The following STAC variants were observed in gnomAD, a reference collection of about 807,000 sequenced individuals.
STAC encodes SH3 and cysteine rich domain.
In STAC, 43 loss-of-function variants were observed where a neutral mutation model predicts 48.8. The ratio of observed to expected loss-of-function variants is 0.88; its 90% CI spans 0.69 to 1.14. The LOEUF is 1.14. Ranked by LOEUF, STAC falls within the 50% of genes most tolerant of loss-of-function variation. The probability of loss-of-function intolerance (pLI) is 0.00; values close to 1 mark genes in which losing one functional copy is unlikely to be tolerated. For synonymous variants in STAC, 193 were observed against 179.5 expected (o/e 1.07, Z -0.60); for missense variants, 497 against 504.0 (o/e 0.99, Z 0.13).
chr3:36,457,877 C>T (rs1206791466), intron 2 of STAC, among the ~76,000 whole-genome samples: 1 of 152,208 alleles, frequency 6.6e-6, no homozygotes, highest in Non-Finnish European at 1.5e-5. Context: ...AGGCCCTCAG[C>T]CAACCTAACT....
chr3:36,474,220 A>G (rs1011067157), intron 2 of STAC, among the ~76,000 whole-genome samples: 5 of 152,126 alleles, frequency 3.3e-5, no homozygotes, highest in African/African-American at 4.8e-5. Context: ...AACCCATCAC[A>G]AATGTGATGA....
chr3:36,510,021 G>A (rs1316915334), intron 8 of STAC, among the ~76,000 whole-genome samples: 1 of 151,988 alleles, frequency 6.6e-6, no homozygotes, highest in Non-Finnish European at 1.5e-5. Flanking sequence ...GAGTGAATAG[G>A]CAACCTACAG....
intron 1 of STAC, among the ~76,000 whole-genome samples, chr3:36,418,009 G>A (rs928464181): frequency 6.6e-6 from 1 of 152,046 alleles, no homozygotes; most frequent in Admixed American, 6.5e-5. Flanking sequence ...TGCATTTGTG[G>A]TTATACCACC....
chr3:36,423,953 A>T (rs1159680096), intron 1 of STAC, among the ~76,000 whole-genome samples: 3 of 151,976 alleles, frequency 2.0e-5, no homozygotes, highest in Non-Finnish European at 2.9e-5. Context: ...CTATATTTTA[A>T]TTTTTTTCTC....
chr3:36,546,402 C>T lies in STAC; in HGVS notation c.*113C>T. The T allele has an allele frequency of 4.6e-6, 4 of 868,868 alleles. No individual in the cohort carries two copies. The highest frequency in any genetic ancestry group is 7.5e-6 in the Non-Finnish European group (4 of 532,368). The allele number at this position is 868,868 out of a possible 1,614,324, so 53.8% of individuals were successfully genotyped here. A position where few individuals can be genotyped will look rare whatever the true frequency, so the allele number is the denominator to read the frequency against. ...CGCACTGACCCAGCCCCCCAGGAAA[C>T]AGTGAGACAAGAATCAAGTATCTGA... On this transcript the variant is annotated 3_prime_UTR_variant, in exon 11 of 11. Transcript: ENST00000273183.
chr3:36,538,216 T>G (rs1699243400), intron 10 of STAC, among the ~76,000 whole-genome samples: 1 of 152,146 alleles, frequency 6.6e-6, no homozygotes, highest in Non-Finnish European at 1.5e-5. Context: ...TTTAAGAAAG[T>G]TTTATTAGAA....
At chr3:36,489,408 C>T (rs1697906796) in intron 5 of STAC, among the ~76,000 whole-genome samples, 1 of 152,224 alleles carries the variant, frequency 6.6e-6, no homozygotes, top group African/African-American at 2.4e-5. Context: ...CCGTTTTCTG[C>T]ATAGCCATGC....
intron 8 of STAC, among the ~76,000 whole-genome samples, chr3:36,516,916 A>C (rs1367827235): frequency 6.6e-6 from 1 of 152,182 alleles, no homozygotes; most frequent in East Asian, 1.9e-4. Flanking sequence ...TCTTCTGAAC[A>C]ACCTCATTAA....
At chr3:36,428,702 A>G (rs1700623198) in intron 1 of STAC, among the ~76,000 whole-genome samples, 1 of 152,286 alleles carries the variant, frequency 6.6e-6, no homozygotes, top group African/African-American at 2.4e-5. Flanking sequence ...GAAGGCCCTG[A>G]CGTAGCAGTT....
intron 5 of STAC, among the ~76,000 whole-genome samples, chr3:36,489,116 A>G (rs755389365): frequency 8.5e-5 from 13 of 152,192 alleles, no homozygotes; most frequent in South Asian, 2.1e-4. Context: ...ACAAGCCTTC[A>G]AGAATTCCTT....
chr3:36,453,463 C>G (rs879779909), intron 2 of STAC, among the ~76,000 whole-genome samples: 2 of 152,202 alleles, frequency 1.3e-5, no homozygotes. Context: ...CCACCGGCCC[C>G]GGGCAGTGAG....
chr3:36,384,400 G>T (rs1337949956), intron 1 of STAC, among the ~76,000 whole-genome samples: 2 of 152,102 alleles, frequency 1.3e-5, no homozygotes, highest in Non-Finnish European at 2.9e-5. Context: ...GGATGCTGAT[G>T]GGGCTGCTAC....
intron 2 of STAC, among the ~76,000 whole-genome samples, chr3:36,464,303 T>C (rs1697103417): frequency 6.6e-6 from 1 of 152,362 alleles, no homozygotes; most frequent in African/African-American, 2.4e-5. Flanking sequence ...GTCTTTTGGC[T>C]GCATAAATGT....
At chr3:36,530,244 A>G (rs1440082958) in intron 10 of STAC, among the ~76,000 whole-genome samples, 1 of 152,184 alleles carries the variant, frequency 6.6e-6, no homozygotes, top group Non-Finnish European at 1.5e-5. Flanking sequence ...TAAGAATTTT[A>G]TTATTTCCCA....
At chr3:36,537,929 A>G (rs186418508) in intron 10 of STAC, among the ~76,000 whole-genome samples, 588 of 152,048 alleles carry the variant, frequency 3.9e-3, no homozygotes, top group Middle Eastern at 0.024. Flanking sequence ...TTCATTTATT[A>G]TTTGTGTTCT....
At chr3:36,499,925 T>C (rs1575242856) in intron 6 of STAC, among the ~76,000 whole-genome samples, 1 of 151,740 alleles carries the variant, frequency 6.6e-6, no homozygotes, top group Non-Finnish European at 1.5e-5. Context: ...AAGAAAGCAT[T>C]ACTAGAATTT....
At chr3:36,420,037 A>C (rs1700412403) in intron 1 of STAC, among the ~76,000 whole-genome samples, 1 of 152,202 alleles carries the variant, frequency 6.6e-6, no homozygotes, top group Non-Finnish European at 1.5e-5. Flanking sequence ...TGATAAACTG[A>C]AGACAATCTA....
At chr3:36,511,581 A>AAAACT (rs1359556150) in intron 8 of STAC, among the ~76,000 whole-genome samples, 2 of 152,238 alleles carry the variant, frequency 1.3e-5, no homozygotes. Flanking sequence ...ATTAGCACTC[A>AAAACT]AAACTATTTA....
At chr3:36,429,733 G>T (rs1033109649) in intron 1 of STAC, among the ~76,000 whole-genome samples, 2 of 152,058 alleles carry the variant, frequency 1.3e-5, no homozygotes, top group African/African-American at 4.8e-5. Flanking sequence ...CAGGCCTCAG[G>T]GTCCACAGGA....
Sources: gnomAD v4.1 joint callset for allele counts (sites outside exome capture counted in the v4.1 genomes callset) on GRCh38, gnomAD v4.1.1 for gene constraint, MANE v1.5 for transcripts, NCBI Gene and HGNC (gene_info 2026-07-23, HGNC 2026-07-21) for gene names.